The following ILDR2 variants were observed in gnomAD, a reference collection of about 807,000 sequenced individuals.
ILDR2 encodes the protein immunoglobulin like domain containing receptor 2.
ILDR2 carries 25 observed loss-of-function variants against 66.8 expected under a neutral mutation model. The observed-to-expected ratio is 0.37, with a 90% confidence interval of 0.27 to 0.52. The LOEUF is 0.52. Ranked by LOEUF, ILDR2 falls within the 20% of genes least tolerant of loss-of-function variation. ILDR2 has a pLI of 0.88. For synonymous variants in ILDR2, 367 were observed against 357.2 expected (o/e 1.03, Z -0.31); for missense variants, 827 against 876.8 (o/e 0.94, Z 0.72).
At chr1:166,904,180 C>A (rs2038022), downstream of ILDR2, among the ~76,000 whole-genome samples, 53,049 of 152,132 alleles carry the variant, frequency 0.35, 9,535 homozygotes, top group Non-Finnish European at 0.38. Context: ...GGATAAGACT[C>A]TCCTAAGCAA....
intron 1 of ILDR2, among the ~76,000 whole-genome samples, chr1:166,971,789 A>T (rs1663312835): frequency 6.6e-6 from 1 of 152,178 alleles, no homozygotes; most frequent in African/African-American, 2.4e-5. Context: ...CACTGACTAG[A>T]CTGACAACGC....
In ILDR2 at chr1:166,919,221, T is replaced by G; in HGVS notation, c.*134A>C. ...TCCCTTAAAGGCTGCCTGCCATCCC[T>G]TGCCAAAGCAGAGATCAGCAAATCT... is the stretch of plus-strand genomic sequence containing the variant. On this transcript the variant is annotated 3_prime_UTR_variant, in exon 10 of 10. Coordinates refer to ENST00000271417, the MANE Select transcript of ILDR2 (RefSeq NM_199351.3). 1 of 824,480 alleles carries G rather than the reference T, an allele frequency of 1.2e-6. No homozygotes were observed. The highest frequency in any genetic ancestry group is 2.5e-4 in the Middle Eastern group (1 of 3,982). The allele number at this position is 824,480 out of a possible 1,614,324, so 51.1% of individuals were successfully genotyped here. A position where few individuals can be genotyped will look rare whatever the true frequency, so the allele number is the denominator to read the frequency against.
At chr1:166,932,922 G>C (rs1229230178) in intron 6 of ILDR2, among the ~76,000 whole-genome samples, 1 of 152,018 alleles carries the variant, frequency 6.6e-6, no homozygotes, top group African/African-American at 2.4e-5. Context: ...AATCTACATG[G>C]AACACTGGCA....
chr1:166,923,701 G>A (rs1660096431), intron 7 of ILDR2, among the ~76,000 whole-genome samples: 2 of 152,176 alleles, frequency 1.3e-5, no homozygotes, highest in East Asian at 3.9e-4. Flanking sequence ...GGCCTAAGTA[G>A]CTTTTTGCAA....
intron 4 of ILDR2, among the ~76,000 whole-genome samples, chr1:166,939,046 A>G (rs918981167): frequency 3.3e-5 from 5 of 152,226 alleles, no homozygotes; most frequent in Admixed American, 3.3e-4. Context: ...GTATTTTTCA[A>G]GGGAGGAGGG....
In ILDR2 at chr1:166,934,957, C is replaced by T. The variant is rs1660856005; in HGVS notation, c.880+344G>A. Among the ~76,000 whole-genome samples, 4 of 152,364 alleles carry T rather than the reference C, an allele frequency of 2.6e-5. No individual in the cohort carries two copies. The Middle Eastern group carries it at 0.01, about 389-fold the overall frequency. Reference sequence around the variant, plus strand: ...TGCTTGTCAGAGAAACCATGTCCTACACTTCTTGCAGGCCCTCACAGTAGT... The same window carrying T: ...TGCTTGTCAGAGAAACCATGTCCTATACTTCTTGCAGGCCCTCACAGTAGT... On this transcript the variant is annotated intron_variant, in intron 6 of 9. Coordinates refer to ENST00000271417, the MANE Select transcript of ILDR2 (RefSeq NM_199351.3).
At chr1:166,972,498 C>G (rs2102040438) in intron 1 of ILDR2, among the ~76,000 whole-genome samples, 1 of 152,202 alleles carries the variant, frequency 6.6e-6, no homozygotes, top group South Asian at 2.1e-4. Flanking sequence ...TTCAAAATAA[C>G]AACAACAACA....
Position 166,914,174 on chromosome 1 carries a change from T to A in ILDR2, c.*5181A>T, listed in dbSNP as rs925943253. On this transcript the variant is annotated 3_prime_UTR_variant, in exon 10 of 10. Coordinates refer to ENST00000271417, the MANE Select transcript of ILDR2 (RefSeq NM_199351.3). ...AACTCTCCTTGAGTGAAGCTACAACTCCCTCTTAGATTAGCATTTGAGGAA... is the reference window on the plus strand; with the variant it reads ...AACTCTCCTTGAGTGAAGCTACAACACCCTCTTAGATTAGCATTTGAGGAA... 1 of 151,856 alleles carries A rather than the reference T, an allele frequency of 6.6e-6. No homozygotes were observed. Among genetic ancestry groups the A allele is most frequent in the Non-Finnish European group, 1.5e-5 (1 of 68,088 alleles). The allele number at this position is 151,856 out of a possible 1,614,324, so 9.4% of individuals were successfully genotyped here.
Position 166,965,570 on chromosome 1 carries a change from G to GTTTT in ILDR2, c.47-7473_47-7470dup, listed in dbSNP as rs535388259. On this transcript the variant is annotated intron_variant, in intron 1 of 9. Coordinates refer to ENST00000271417, the MANE Select transcript of ILDR2 (RefSeq NM_199351.3). ...TTTGCCTGCCTTCAAGTTAGGTTTT[G>GTTTT]TTTTTTTTTTTGTTTTTTTTTTGAC... Among the ~76,000 whole-genome samples the GTTTT allele has an allele frequency of 8.9e-4, 114 of 127,392 alleles. 9 individuals carry two copies. The highest frequency in any genetic ancestry group is 1.3e-3 in the African/African-American group (41 of 31,524). 83.6% of individuals were successfully genotyped at this position (127,392 alleles called of 152,430 possible).
chr1:166,912,981 G>A lies in ILDR2; in HGVS notation c.*6374C>T, dbSNP rs1659503577. ...TTACAGTCTGTGGAGAGCAGTAAGA[G>A]TGACAACAGAATTTATCTAGCTTAT... On this transcript the variant is annotated 3_prime_UTR_variant, in exon 10 of 10. Transcript: ENST00000271417. 6.6e-6 allele frequency: 1 copy of A among 152,142 alleles called. No homozygotes were observed. Among genetic ancestry groups the A allele is most frequent in the Non-Finnish European group, 1.5e-5 (1 of 68,030 alleles). The allele number at this position is 152,142 out of a possible 1,614,324, so 9.4% of individuals were successfully genotyped here.
intron 4 of ILDR2, among the ~76,000 whole-genome samples, chr1:166,937,387 TA>T (rs1321020914): frequency 1.3e-5 from 2 of 152,182 alleles, no homozygotes; most frequent in Non-Finnish European, 2.9e-5. Context: ...TAGAGAAAAC[TA>T]GAGACGTGGT....
chr1:166,941,958 T>C (rs1341183883), intron 3 of ILDR2, among the ~76,000 whole-genome samples: 1 of 152,194 alleles, frequency 6.6e-6, no homozygotes, highest in African/African-American at 2.4e-5. Context: ...ATAGAGCATG[T>C]TATATCGGAA....
Position 166,935,295 on chromosome 1 carries a change from A to C in ILDR2, c.880+6T>G, listed in dbSNP as rs1329740807. ...CATGGGCAGGGCAGTCTGGAACTACATTTACCACTGTGGCTTCCTCCAGTG... is the reference window on the plus strand; with the variant it reads ...CATGGGCAGGGCAGTCTGGAACTACCTTTACCACTGTGGCTTCCTCCAGTG... On this transcript the variant is annotated splice_donor_region_variant and intron_variant, in intron 6 of 9. Coordinates refer to ENST00000271417, the MANE Select transcript of ILDR2 (RefSeq NM_199351.3). The C allele has an allele frequency of 3.1e-6, 5 of 1,614,062 alleles. No individual in the cohort carries two copies. The highest frequency in any genetic ancestry group is 4.2e-6 in the Non-Finnish European group (5 of 1,179,980).
chr1:166,944,894 A>C (rs564385619), intron 3 of ILDR2, among the ~76,000 whole-genome samples: 61 of 152,220 alleles, frequency 4.0e-4, no homozygotes, highest in African/African-American at 1.4e-3. Flanking sequence ...TCCACTACCA[A>C]GATGGAAACC....
At position 166,915,746 on chromosome 1, in the gene ILDR2, C is replaced by G. The variant is rs1659617596; in HGVS notation, c.*3609G>C. ...GACTACCTATGTGAAATTTTGTGGA[C>G]TATTCAGAAATATTTACAGATGTGG... On this transcript the variant is annotated 3_prime_UTR_variant, in exon 10 of 10. Transcript: ENST00000271417. The G allele has an allele frequency of 6.6e-6, 1 of 152,172 alleles. No homozygotes were observed. The highest frequency in any genetic ancestry group is 1.5e-5 in the Non-Finnish European group (1 of 68,048). 9.4% of individuals were successfully genotyped at this position (152,172 alleles called of 1,614,324 possible).
intron 7 of ILDR2, among the ~76,000 whole-genome samples, chr1:166,926,603 T>G (rs1660310679): frequency 6.6e-6 from 1 of 151,768 alleles, no homozygotes; most frequent in African/African-American, 2.4e-5. Context: ...AAACTGATAC[T>G]TAAGCTTCCA....
intron 2 of ILDR2, among the ~76,000 whole-genome samples, chr1:166,901,329 G>T (rs912275878): frequency 2.0e-5 from 3 of 152,096 alleles, no homozygotes; most frequent in African/African-American, 7.2e-5. Flanking sequence ...GGTCCCTCGG[G>T]GTTATTACAA....
chr1:166,922,630 C>G lies in ILDR2; in HGVS notation c.1174G>C (p.Glu392Gln). The change falls in exon 8 of 10, where the codon GAG becomes CAG. Residue 392 changes from glutamate to glutamine, a missense_variant. Glu to Gln is a conservative substitution (Grantham distance 29, BLOSUM62 2). Around this residue, in one of 2 missense-constraint regions of ILDR2, gnomAD observed 437 missense variants for 523.2 expected, o/e 0.84. Coordinates refer to ENST00000271417, the MANE Select transcript of ILDR2 (RefSeq NM_199351.3). ...SGASRGPSAM[E>Q]YNKEDRESFR... Reference sequence around the variant, plus strand: ...CTCTCTCGATCCTCTTTGTTATACTCCATGGCTGAGGGCCCGCGGCTTGCC... The same window carrying G: ...CTCTCTCGATCCTCTTTGTTATACTGCATGGCTGAGGGCCCGCGGCTTGCC... The G allele has an allele frequency of 6.2e-7, 1 of 1,614,176 alleles. No individual in the cohort carries two copies. The highest frequency in any genetic ancestry group is 8.5e-7 in the Non-Finnish European group (1 of 1,180,038).
chr1:166,923,021 A>G (rs570990223), intron 7 of ILDR2, among the ~76,000 whole-genome samples: 1 of 152,268 alleles, frequency 6.6e-6, no homozygotes, highest in Non-Finnish European at 1.5e-5. Flanking sequence ...ACAGAGAGGG[A>G]GGTTCCTACA....
Sources: gnomAD v4.1 joint callset for allele counts (sites outside exome capture counted in the v4.1 genomes callset) on GRCh38, gnomAD v4.1.1 for gene constraint, gnomAD v4.1.1 regional missense constraint, MANE v1.5 for transcripts, NCBI Gene and HGNC (gene_info 2026-07-23, HGNC 2026-07-21) for gene names.